ENTREP2: variants seen among roughly 807,000 people sequenced by gnomAD.
ENTREP2 encodes the protein endosomal transmembrane epsin interactor 2.
At chr15:29,378,045 G>C in the ENTREP2 span, among the ~76,000 whole-genome samples, 4 of 151,822 alleles carry the variant, frequency 2.6e-5, no homozygotes, top group South Asian at 8.3e-4. Flanking sequence ...TACCTAATTA[G>C]AGAAGAAAGA....
At chr15:29,538,808 CA>C in the ENTREP2 span, among the ~76,000 whole-genome samples, 52 of 146,098 alleles carry the variant, frequency 3.6e-4, no homozygotes, top group Non-Finnish European at 3.6e-4. Flanking sequence ...GACTCTATCT[CA>C]AAAAAAAAAA....
chr15:29,358,779 G>A, the ENTREP2 span, among the ~76,000 whole-genome samples: 1 of 151,614 alleles, frequency 6.6e-6, no homozygotes, highest in Non-Finnish European at 1.5e-5. Flanking sequence ...AAGTGCCGAA[G>A]AAACGTGTAA....
chr15:29,330,638 C>G, the ENTREP2 span, among the ~76,000 whole-genome samples: 1 of 152,044 alleles, frequency 6.6e-6, no homozygotes, highest in Non-Finnish European at 1.5e-5. Flanking sequence ...CTGTGAGGAG[C>G]CTAAGGCAAC....
At chr15:29,645,106 C>T in the ENTREP2 span, among the ~76,000 whole-genome samples, 2 of 152,086 alleles carry the variant, frequency 1.3e-5, no homozygotes, top group Non-Finnish European at 2.9e-5. Flanking sequence ...AAGAGGAACA[C>T]CAAATACACA....
chr15:29,640,218 A>C, the ENTREP2 span, among the ~76,000 whole-genome samples: 2 of 152,244 alleles, frequency 1.3e-5, no homozygotes, highest in African/African-American at 4.8e-5. Flanking sequence ...AATTGTGAGG[A>C]AATACTATGG....
chr15:29,148,868 A>AT, the ENTREP2 span, among the ~76,000 whole-genome samples: 6 of 149,922 alleles, frequency 4.0e-5, no homozygotes, highest in Non-Finnish European at 7.4e-5. Flanking sequence ...CTCCCTCCAG[A>AT]TTTTTTTTTA....
the ENTREP2 span, among the ~76,000 whole-genome samples, chr15:29,285,983 A>C: frequency 6.6e-6 from 1 of 152,234 alleles, no homozygotes; most frequent in South Asian, 2.1e-4. Context: ...CATATGATAA[A>C]ATTCAGCATT....
the ENTREP2 span, among the ~76,000 whole-genome samples, chr15:29,250,570 G>C: frequency 8.4e-3 from 1,285 of 152,200 alleles, 18 homozygotes; most frequent in African/African-American, 0.03. Flanking sequence ...TTCAAGCTTG[G>C]GCAATGTGTG....
At chr15:29,536,670 T>C in the ENTREP2 span, among the ~76,000 whole-genome samples, 1 of 151,988 alleles carries the variant, frequency 6.6e-6, no homozygotes, top group African/African-American at 2.4e-5. Flanking sequence ...TCGGAGTTTA[T>C]TTGGAAAGAA....
the ENTREP2 span, among the ~76,000 whole-genome samples, chr15:29,383,205 G>T: frequency 6.6e-6 from 1 of 152,162 alleles, no homozygotes; most frequent in Non-Finnish European, 1.5e-5. Context: ...CCAGGGCTTT[G>T]CCATGGCCAC....
chr15:29,125,413 G>T, the ENTREP2 span, among the ~76,000 whole-genome samples: 4 of 152,166 alleles, frequency 2.6e-5, no homozygotes, highest in Non-Finnish European at 5.9e-5. Context: ...GCCAAACCTG[G>T]TATTTCCACC....
chr15:29,326,484 G>GAA, the ENTREP2 span, among the ~76,000 whole-genome samples: 1 of 151,938 alleles, frequency 6.6e-6, no homozygotes, highest in Non-Finnish European at 1.5e-5. Flanking sequence ...CCAAGAAAAC[G>GAA]AAATACTTAG....
the ENTREP2 span, among the ~76,000 whole-genome samples, chr15:29,616,818 T>C: frequency 6.6e-5 from 10 of 152,252 alleles, no homozygotes; most frequent in African/African-American, 2.2e-4. Flanking sequence ...CTCACACCTG[T>C]AAACCCAGCA....
the ENTREP2 span, among the ~76,000 whole-genome samples, chr15:29,525,741 G>A: frequency 1.3e-5 from 2 of 152,160 alleles, no homozygotes; most frequent in South Asian, 2.1e-4. Flanking sequence ...GGGTTTGAGA[G>A]GGGTATCACA....
the ENTREP2 span, among the ~76,000 whole-genome samples, chr15:29,298,618 G>C: frequency 9.2e-5 from 14 of 152,186 alleles, no homozygotes; most frequent in East Asian, 2.5e-3. Context: ...TAGATAAAAT[G>C]GAGGATTGCT....
At chr15:29,257,324 C>T in the ENTREP2 span, among the ~76,000 whole-genome samples, 2 of 152,116 alleles carry the variant, frequency 1.3e-5, no homozygotes, top group African/African-American at 2.4e-5. Flanking sequence ...CCACCCGCCT[C>T]GGCCTCCCAA....
At chr15:29,540,691 G>A in the ENTREP2 span, among the ~76,000 whole-genome samples, 2 of 152,244 alleles carry the variant, frequency 1.3e-5, no homozygotes, top group Admixed American at 1.3e-4. Flanking sequence ...AATTGATCAT[G>A]TAACTGACAA....
At chr15:29,525,608 C>CTTTA in the ENTREP2 span, among the ~76,000 whole-genome samples, 1 of 152,164 alleles carries the variant, frequency 6.6e-6, no homozygotes, top group East Asian at 1.9e-4. Context: ...ATCTCAAAGG[C>CTTTA]TTTATGCTGA....
chr15:29,437,530 G>A, the ENTREP2 span, among the ~76,000 whole-genome samples: 2 of 152,178 alleles, frequency 1.3e-5, no homozygotes, highest in Non-Finnish European at 2.9e-5. Context: ...ACTAGACTGA[G>A]AGGTTGGATA....
Sources: allele counts gnomAD v4.1 joint callset (sites outside exome capture counted in the v4.1 genomes callset), GRCh38; gene constraint gnomAD v4.1.1; transcripts MANE v1.5; gene names NCBI Gene and HGNC (gene_info 2026-07-23, HGNC 2026-07-21).